The following CASD1 variants were observed in gnomAD, a reference collection of about 807,000 sequenced individuals.
CASD1 encodes CAS1 domain sialic acid O acetyltransferase 1.
Under a neutral mutation model 100.0 loss-of-function variants are expected in CASD1, and 41 were observed. The observed-to-expected ratio is 0.41, with a 90% CI of 0.32 to 0.53. The LOEUF is 0.53. CASD1 is among the 20% of genes least tolerant of loss of function. The probability of loss-of-function intolerance (pLI) is 0.25; values close to 1 mark genes in which losing one functional copy is unlikely to be tolerated. For missense variants in CASD1, 774 were observed against 948.7 expected, an observed-to-expected ratio of 0.82 and a Z score of 2.42; for synonymous variants, 321 against 315.6, an observed-to-expected ratio of 1.02 and a Z score of -0.18.
chr7:94,632,618 G>A, the CASD1 span, among the ~76,000 whole-genome samples: 6 of 152,052 alleles, frequency 3.9e-5, no homozygotes, highest in African/African-American at 9.7e-5. Flanking sequence ...AAATGACTAA[G>A]CCACTATGTT....
the CASD1 span, chr7:94,599,087 G>C: frequency 1.5e-6 from 1 of 676,670 alleles, no homozygotes; most frequent in East Asian, 2.7e-5. Flanking sequence ...TGGCACTTTG[G>C]GCATTCAATA....
the CASD1 span, chr7:94,588,015 G>A: frequency 2.2e-6 from 3 of 1,391,068 alleles, no homozygotes; most frequent in East Asian, 8.2e-5. Flanking sequence ...AGGCATTAAT[G>A]GTTCCCTGGC....
chr7:94,580,647 C>A, the CASD1 span, among the ~76,000 whole-genome samples: 1 of 152,118 alleles, frequency 6.6e-6, no homozygotes, highest in Admixed American at 6.6e-5. Flanking sequence ...ACCTTTGTTC[C>A]AACAGATGGC....
intron 9 of CASD1, 50 bp from the exon 10 acceptor site, chr7:94,538,917 A>G (rs1435594720): frequency 9.9e-7 from 1 of 1,006,088 alleles, no homozygotes; most frequent in Non-Finnish European, 1.5e-6. Context: ...ATGCCGTTAA[A>G]TAATTTCTTC....
the CASD1 span, among the ~76,000 whole-genome samples, chr7:94,586,061 GAAAAAA>G: frequency 2.1e-4 from 6 of 28,908 alleles, no homozygotes; most frequent in African/African-American, 9.0e-4. Context: ...GGAACTAAAT[GAAAAAA>G]AAAAAAAAAA....
At chr7:94,603,228 C>A in the CASD1 span, 8 of 1,365,034 alleles carry the variant, frequency 5.9e-6, no homozygotes, top group East Asian at 1.9e-4. Flanking sequence ...AGGTTTTAGT[C>A]AAACGTTAAC....
the CASD1 span, among the ~76,000 whole-genome samples, chr7:94,591,730 GT>G: frequency 9.9e-5 from 15 of 152,096 alleles, no homozygotes; most frequent in African/African-American, 3.6e-4. Flanking sequence ...TCTAGCCTCC[GT>G]TTTTTCCTCT....
chr7:94,570,499 CTT>C, the CASD1 span, among the ~76,000 whole-genome samples: 1 of 151,958 alleles, frequency 6.6e-6, no homozygotes, highest in East Asian at 1.9e-4. Flanking sequence ...ACAAATTTGT[CTT>C]TTTTTGGCGG....
intron 16 of CASD1, 106 bp downstream of exon 16, chr7:94,552,533 T>C (rs1796000874): frequency 1.3e-6 from 1 of 751,852 alleles, no homozygotes; most frequent in African/African-American, 1.8e-5. Flanking sequence ...GTAGAGAAGT[T>C]ACTTCATCTT....
In CASD1 at chr7:94,517,543, G is replaced by T. The variant is rs2116198591; in HGVS notation, c.134-17G>T. The T allele has an allele frequency of 6.6e-7, 1 of 1,521,370 alleles. No individual in the cohort carries two copies. The highest frequency in any genetic ancestry group is 9.1e-7 in the Non-Finnish European group (1 of 1,103,372). 94.2% of individuals were successfully genotyped at this position (1,521,370 alleles called of 1,614,324 possible). A position where few individuals can be genotyped will look rare whatever the true frequency, so the allele number is the denominator to read the frequency against. On this transcript the variant is annotated splice_polypyrimidine_tract_variant and intron_variant, in intron 1 of 17. Transcript: ENST00000297273. The stretch of plus-strand genomic sequence containing the variant: ...TTTAACTATTGTTTACAACACTGTT[G>T]TGTTTAACTGTTTTAGGCAATGATT...
intron 10 of CASD1, among the ~76,000 whole-genome samples, chr7:94,540,731 G>T (rs997320635): frequency 6.6e-6 from 1 of 152,110 alleles, no homozygotes; most frequent in African/African-American, 2.4e-5. Context: ...TAAATCCAGA[G>T]ATTCTCTGAG....
At chr7:94,552,156 T>C (rs192457648) in intron 15 of CASD1, 194 bp from the exon 16 acceptor site, 104 of 531,708 alleles carry the variant, frequency 2.0e-4, no homozygotes, top group Middle Eastern at 2.0e-3. Flanking sequence ...CCCTCTGTGC[T>C]TTCTTATGTT....
At chr7:94,625,555 T>C in the CASD1 span, 1 of 152,116 alleles carries the variant, frequency 6.6e-6, no homozygotes, top group African/African-American at 2.4e-5. Flanking sequence ...GATCCATTCA[T>C]TTAAAATACA....
At chr7:94,530,221 T>A (rs756608565) in intron 5 of CASD1, among the ~76,000 whole-genome samples, 2 of 152,126 alleles carry the variant, frequency 1.3e-5, no homozygotes, top group African/African-American at 2.4e-5. Flanking sequence ...TGAAGGTGAG[T>A]GTGGGGAACG....
chr7:94,543,685 C>T (rs1200563971), intron 10 of CASD1, among the ~76,000 whole-genome samples: 2 of 150,200 alleles, frequency 1.3e-5, no homozygotes, highest in Non-Finnish European at 3.0e-5. Flanking sequence ...ACAAGTTATG[C>T]TGTGGAAATT....
the CASD1 span, among the ~76,000 whole-genome samples, chr7:94,615,385 GATAGAT>G: frequency 6.8e-6 from 1 of 146,118 alleles, no homozygotes; most frequent in Non-Finnish European, 1.5e-5. Context: ...TAGATAGATA[GATAGAT>G]AGATAGATAG....
intron 5 of CASD1, among the ~76,000 whole-genome samples, chr7:94,529,484 C>CATGT (rs1384378278): frequency 2.6e-5 from 4 of 152,068 alleles, no homozygotes; most frequent in Admixed American, 2.6e-4. Flanking sequence ...GGTAGATGAC[C>CATGT]ACATGGTCAC....
At chr7:94,557,144 A>G (rs570180763), downstream of CASD1, 3 of 152,220 alleles carry the variant, frequency 2.0e-5, no homozygotes, top group South Asian at 4.1e-4. Flanking sequence ...TCATTTAGTT[A>G]TCAGAGCTTC....
intron 5 of CASD1, 140 bp from the exon 6 acceptor site, chr7:94,533,065 A>G: frequency 2.0e-6 from 1 of 498,458 alleles, no homozygotes; most frequent in Non-Finnish European, 3.4e-6. Flanking sequence ...ATAATAAGCA[A>G]TAATAATAAG....
Sources: allele counts gnomAD v4.1 joint callset (sites outside exome capture counted in the v4.1 genomes callset), GRCh38; gene constraint gnomAD v4.1.1; transcripts MANE v1.5; gene names NCBI Gene and HGNC (gene_info 2026-07-23, HGNC 2026-07-21).